Variants in PPP1R21 observed in about 807,000 individuals in gnomAD.
PPP1R21 encodes the protein protein phosphatase 1 regulatory subunit 21.
PPP1R21 carries 85 observed loss-of-function variants against 112.8 expected under a neutral mutation model. The ratio of observed to expected loss-of-function variants is 0.75; its 90% CI spans 0.63 to 0.90. The LOEUF (loss-of-function observed/expected upper bound fraction) is 0.90. PPP1R21 is among the 40% of genes least tolerant of loss of function. The pLI, the probability that PPP1R21 is intolerant of heterozygous loss-of-function variation, is 0.00. For synonymous variants in PPP1R21, 381 were observed against 322.3 expected (o/e 1.18, Z -1.95); for missense variants, 1,199 against 901.5 (o/e 1.33, Z -4.23).
intron 21 of PPP1R21, among the ~76,000 whole-genome samples, chr2:48,513,726 T>G (rs1670740726): frequency 6.6e-6 from 1 of 152,218 alleles, no homozygotes; most frequent in African/African-American, 2.4e-5. Context: ...CAACCATTTG[T>G]TTGCTATGAT....
chr2:48,445,397 C>G (rs567066310), intron 1 of PPP1R21, among the ~76,000 whole-genome samples: 32 of 152,134 alleles, frequency 2.1e-4, no homozygotes, highest in Non-Finnish European at 3.2e-4. Context: ...CCACTTGTAG[C>G]TATTGAGTAC....
At chr2:48,512,418 G>T (rs1298241733) in intron 21 of PPP1R21, among the ~76,000 whole-genome samples, 1 of 147,450 alleles carries the variant, frequency 6.8e-6, no homozygotes, top group Non-Finnish European at 1.5e-5. Flanking sequence ...ACCACCATCA[G>T]CTGGGATTTA....
intron 4 of PPP1R21, among the ~76,000 whole-genome samples, chr2:48,458,790 C>T (rs1667839692): frequency 6.6e-6 from 1 of 152,086 alleles, no homozygotes; most frequent in African/African-American, 2.4e-5. Context: ...AACCACTGAG[C>T]ATATTCTAAG....
intron 14 of PPP1R21, 69 bp from the exon 15 acceptor site, chr2:48,490,949 A>T: frequency 7.4e-7 from 1 of 1,356,312 alleles, no homozygotes; most frequent in Non-Finnish European, 1.0e-6. Flanking sequence ...TGCTGCAAAA[A>T]CTATTAGATA....
chr2:48,465,745 A>G lies in PPP1R21; in HGVS notation c.897+103A>G, dbSNP rs1003073313. The stretch of plus-strand genomic sequence containing the variant: ...GCACCATCCAAGTACTGCAAAGGAC[A>G]TGGAAAAAACCCAAAAAGCATAGTT... On this transcript the variant is annotated intron_variant, in intron 9 of 21. Coordinates refer to ENST00000294952, the MANE Select transcript of PPP1R21 (RefSeq NM_001135629.3). 5.9e-6 allele frequency: 6 copies of G among 1,016,974 alleles called. No homozygotes were observed. In the South Asian group the frequency reaches 6.8e-5, roughly 12 times the overall value. 63.0% of individuals were successfully genotyped at this position (1,016,974 alleles called of 1,614,324 possible).
At chr2:48,491,779 A>G (rs1459380480) in intron 15 of PPP1R21, among the ~76,000 whole-genome samples, 1 of 152,150 alleles carries the variant, frequency 6.6e-6, no homozygotes, top group African/African-American at 2.4e-5. Flanking sequence ...TGCATTGAGG[A>G]TATATTTATA....
At chr2:48,471,780 A>G (rs913404086) in intron 11 of PPP1R21, among the ~76,000 whole-genome samples, 12 of 152,354 alleles carry the variant, frequency 7.9e-5, no homozygotes, top group Non-Finnish European at 1.6e-4. Flanking sequence ...TACGTCATTT[A>G]GTAACCTTTG....
At chr2:48,468,472 A>G (rs113289602) in intron 9 of PPP1R21, among the ~76,000 whole-genome samples, 64 of 152,314 alleles carry the variant, frequency 4.2e-4, no homozygotes, top group African/African-American at 1.4e-3. Flanking sequence ...CAGTACTGCA[A>G]CATTTTAATG....
intron 6 of PPP1R21, 55 bp from the exon 7 acceptor site, chr2:48,461,083 G>A: frequency 6.5e-7 from 1 of 1,536,670 alleles, no homozygotes. Context: ...AAATAAATGA[G>A]GATTCACTCA....
intron 17 of PPP1R21, among the ~76,000 whole-genome samples, chr2:48,502,343 C>T (rs776269834): frequency 1.3e-5 from 2 of 152,158 alleles, no homozygotes; most frequent in African/African-American, 2.4e-5. Context: ...CTGCTAACAG[C>T]AGATTTCTGC....
intron 1 of PPP1R21, among the ~76,000 whole-genome samples, chr2:48,442,917 A>G (rs1207004270): frequency 1.3e-5 from 2 of 152,176 alleles, no homozygotes; most frequent in African/African-American, 2.4e-5. Context: ...GGGGAGTGAC[A>G]TTACTTTTAG....
At chr2:48,502,149 A>G (rs2103647329) in intron 17 of PPP1R21, 1 of 152,268 alleles carries the variant, frequency 6.6e-6, no homozygotes, top group African/African-American at 2.4e-5. Context: ...CTAGGGAGGG[A>G]CACGAAAAAT....
At position 48,454,721 on chromosome 2, in the gene PPP1R21, C is replaced by T. The variant is rs144842602; in HGVS notation, c.253C>T (p.Pro85Ser). The change falls in exon 3 of 22, where the codon CCA becomes TCA. Residue 85 changes from proline (P) to serine (S), a missense_variant. Physicochemically the swap from Pro to Ser is moderately conservative, Grantham distance 74. Coordinates refer to ENST00000294952, the MANE Select transcript of PPP1R21 (RefSeq NM_001135629.3). ...TCAAGATGAACTAGCTCTAAGTGAA[C>T]CACGAGGCAAGAAAAACAAGGTAGG... ...LLQDELALSE[P>S]RGKKNKKSGE... is the part of the protein sequence containing the mutation. The T allele has an allele frequency of 8.6e-5, 139 of 1,613,804 alleles. 1 individual carries two copies. The highest frequency in any genetic ancestry group is 5.2e-4 in the Admixed American group (31 of 59,970).
chr2:48,486,833 G>T (rs78164393), intron 14 of PPP1R21, 75 bp downstream of exon 14: 1 of 1,495,628 alleles, frequency 6.7e-7, no homozygotes, highest in Non-Finnish European at 9.1e-7. Context: ...ATAGGAAAAT[G>T]GATCTGTAAA....
At chr2:48,466,927 G>C (rs1668231197) in intron 9 of PPP1R21, among the ~76,000 whole-genome samples, 1 of 152,206 alleles carries the variant, frequency 6.6e-6, no homozygotes, top group Non-Finnish European at 1.5e-5. Flanking sequence ...CCAAGACATA[G>C]ACCTTCACTT....
At chr2:48,471,242 T>C in intron 10 of PPP1R21, 37 bp from the exon 11 acceptor site, 1 of 1,609,270 alleles carries the variant, frequency 6.2e-7, no homozygotes, top group Non-Finnish European at 8.5e-7. Context: ...CTTTGTCCAG[T>C]AGCACTTTTA....
intron 13 of PPP1R21, among the ~76,000 whole-genome samples, chr2:48,483,501 A>T (rs1669130317): frequency 6.6e-6 from 1 of 152,232 alleles, no homozygotes; most frequent in Admixed American, 6.5e-5. Context: ...AAATCCTAAA[A>T]TTCACAGGAA....
rs1276106054 is a variant in PPP1R21 at position 48,440,798 on chromosome 2, A to AGTGGAGGAGGAGGC, written c.-154_-141dup. ...CTTCCTCCCACCCCGGGAACCCGGA[A>AGTGGAGGAGGAGGC]GTGGAGGAGGAGGCGCGGCGGCGGC... On this transcript the variant is annotated 5_prime_UTR_variant, in exon 1 of 22. Transcript: ENST00000294952. 79 of 632,000 alleles carry AGTGGAGGAGGAGGC rather than the reference A, an allele frequency of 1.3e-4. No individual in the cohort carries two copies. Among genetic ancestry groups the AGTGGAGGAGGAGGC allele is most frequent in the Non-Finnish European group, 1.9e-4 (66 of 353,836 alleles). 39.1% of individuals were successfully genotyped at this position (632,000 alleles called of 1,614,324 possible).
intron 12 of PPP1R21, among the ~76,000 whole-genome samples, chr2:48,479,130 C>T (rs1668889616): frequency 6.6e-6 from 1 of 152,200 alleles, no homozygotes; most frequent in African/African-American, 2.4e-5. Context: ...CAAGGTAGAG[C>T]CTCCATCTTA....
Sources: allele counts gnomAD v4.1 joint callset (sites outside exome capture counted in the v4.1 genomes callset), GRCh38; gene constraint gnomAD v4.1.1; transcripts MANE v1.5; gene names NCBI Gene and HGNC (gene_info 2026-07-23, HGNC 2026-07-21).